SUGCT: variants seen among roughly 807,000 people sequenced by gnomAD.
The protein encoded by SUGCT is succinyl-CoA:glutarate-CoA transferase, also known as succinyl-CoA:glutarate CoA-transferase.
A neutral mutation model predicts 55.0 loss-of-function variants in SUGCT; 41 were observed. The observed-to-expected ratio is 0.74, with a 90% CI of 0.58 to 0.97. SUGCT has a LOEUF of 0.97. Ranked by LOEUF, SUGCT falls within the 50% of genes least tolerant of loss-of-function variation. The probability of loss-of-function intolerance (pLI) is 0.00; values close to 1 mark genes in which losing one functional copy is unlikely to be tolerated. For missense variants in SUGCT, 568 were observed against 547.8 expected (o/e 1.04, Z -0.37); for synonymous variants, 187 against 200.4 (o/e 0.93, Z 0.56).
At chr7:40,734,415 C>G (rs535440476) in intron 12 of SUGCT, among the ~76,000 whole-genome samples, 1 of 152,306 alleles carries the variant, frequency 6.6e-6, no homozygotes, top group African/African-American at 2.4e-5. Context: ...CATTATTACT[C>G]AAGTCATTTT....
intron 12 of SUGCT, among the ~76,000 whole-genome samples, chr7:40,630,387 A>C (rs888337686): frequency 6.6e-6 from 1 of 152,224 alleles, no homozygotes; most frequent in Admixed American, 6.5e-5. Flanking sequence ...AATACCTGCT[A>C]TCTGCTCACA....
At chr7:40,783,394 T>G (rs1482071327) in intron 13 of SUGCT, 1 of 152,222 alleles carries the variant, frequency 6.6e-6, no homozygotes, top group African/African-American at 2.4e-5. Context: ...TGCCTATGTG[T>G]GTAGCATTCT....
intron 13 of SUGCT, among the ~76,000 whole-genome samples, chr7:40,765,822 AG>A (rs1788756901): frequency 6.6e-6 from 1 of 152,206 alleles, no homozygotes; most frequent in Non-Finnish European, 1.5e-5. Context: ...CCAGTCAACC[AG>A]GGCGCCTTCT....
intron 7 of SUGCT, among the ~76,000 whole-genome samples, chr7:40,249,319 A>ATCTATATATCTATATATATC: frequency 2.5e-5 from 1 of 39,762 alleles, no homozygotes; most frequent in Non-Finnish European, 6.4e-5. Context: ...AAAGCTATAT[A>ATCTATATATCTATATATATC]TATATATATA....
intron 12 of SUGCT, among the ~76,000 whole-genome samples, chr7:40,531,119 G>A (rs1794058554): frequency 6.6e-6 from 1 of 152,194 alleles, no homozygotes; most frequent in African/African-American, 2.4e-5. Context: ...CGGAAGCCAA[G>A]GGGATGAATG....
intron 9 of SUGCT, among the ~76,000 whole-genome samples, chr7:40,324,644 T>C (rs1410984399): frequency 6.6e-6 from 1 of 152,188 alleles, no homozygotes; most frequent in Admixed American, 6.5e-5. Flanking sequence ...TTTCTATATG[T>C]GCTACTATAC....
chr7:40,282,675 G>T (rs1562643596), intron 8 of SUGCT, among the ~76,000 whole-genome samples: 1 of 151,780 alleles, frequency 6.6e-6, no homozygotes, highest in Non-Finnish European at 1.5e-5. Context: ...TTTGGGACCA[G>T]CATGGCCACT....
chr7:40,154,933 T>C (rs1321712198), intron 1 of SUGCT, among the ~76,000 whole-genome samples: 2 of 152,216 alleles, frequency 1.3e-5, no homozygotes, highest in Non-Finnish European at 2.9e-5. Context: ...AATAGAGGAC[T>C]AGGATTTATC....
intron 9 of SUGCT, among the ~76,000 whole-genome samples, chr7:40,447,337 GAGAAGAAAA>G (rs1387939601): frequency 6.6e-6 from 1 of 152,148 alleles, no homozygotes; most frequent in African/African-American, 2.4e-5. Flanking sequence ...GAAGGCTCAG[GAGAAGAAAA>G]TCCTGCAGAA....
chr7:40,274,035 G>A (rs1792289026), intron 7 of SUGCT, among the ~76,000 whole-genome samples: 2 of 145,882 alleles, frequency 1.4e-5, no homozygotes, highest in African/African-American at 5.1e-5. Context: ...CCAGCTATTG[G>A]TGTGCTTACA....
At chr7:40,984,251 T>C in the SUGCT span, among the ~76,000 whole-genome samples, 221 of 152,352 alleles carry the variant, frequency 1.5e-3, no homozygotes, top group African/African-American at 5.0e-3. Flanking sequence ...ACATTCCCTG[T>C]ATTTCCACTG....
intron 1 of SUGCT, among the ~76,000 whole-genome samples, chr7:40,142,249 C>T (rs1050932837): frequency 2.7e-4 from 41 of 152,080 alleles, no homozygotes; most frequent in African/African-American, 7.5e-4. Flanking sequence ...AAAAAGGTTG[C>T]TTTACCAGGA....
chr7:40,387,393 T>C (rs981949500), intron 9 of SUGCT, among the ~76,000 whole-genome samples: 1 of 152,122 alleles, frequency 6.6e-6, no homozygotes, highest in Non-Finnish European at 1.5e-5. Context: ...AGGAAATCTA[T>C]GGACAGGGTT....
At chr7:40,537,803 A>C (rs1193055968) in intron 12 of SUGCT, among the ~76,000 whole-genome samples, 1 of 152,220 alleles carries the variant, frequency 6.6e-6, no homozygotes, top group Non-Finnish European at 1.5e-5. Flanking sequence ...TTTTTTTAAG[A>C]AGTCCAAACA....
intron 8 of SUGCT, among the ~76,000 whole-genome samples, chr7:40,309,860 AAAG>A (rs1207073237): frequency 6.7e-6 from 1 of 148,500 alleles, no homozygotes; most frequent in Non-Finnish European, 1.5e-5. Context: ...CAACAACAAA[AAAG>A]TGGTATTGAA....
chr7:40,195,017 T>G lies in SUGCT; in HGVS notation c.441T>G (p.Asp147Glu). 1 of 1,613,876 alleles carries G rather than the reference T, an allele frequency of 6.2e-7. No homozygotes were observed. The highest frequency in any genetic ancestry group is 8.5e-7 in the Non-Finnish European group (1 of 1,179,830). The change falls in exon 6 of 14, where the codon GAT becomes GAG. Residue 147 changes from aspartate to glutamate, a missense_variant. Transcript: ENST00000335693. Reference sequence around the variant, plus strand: ...CTGCAATGGGCCTGGGATATGAAGATATAGACGAGATTGCTCCTCACATCA... The same window carrying G: ...CTGCAATGGGCCTGGGATATGAAGAGATAGACGAGATTGCTCCTCACATCA... ...KLSAMGLGYE[D>E]IDEIAPHIIY...
At chr7:40,847,415 T>C (rs1490960222) in intron 13 of SUGCT, among the ~76,000 whole-genome samples, 288 of 136,068 alleles carry the variant, frequency 2.1e-3, no homozygotes, top group Non-Finnish European at 3.8e-3. Context: ...TTCTTTCTTT[T>C]TTTTTTTTTT....
At chr7:40,683,677 T>A (rs886523180) in intron 12 of SUGCT, among the ~76,000 whole-genome samples, 3 of 152,188 alleles carry the variant, frequency 2.0e-5, no homozygotes, top group African/African-American at 7.2e-5. Flanking sequence ...GATGAGACAA[T>A]CTCTGCAGTG....
At chr7:40,339,778 A>G (rs1796945016) in intron 9 of SUGCT, among the ~76,000 whole-genome samples, 1 of 152,178 alleles carries the variant, frequency 6.6e-6, no homozygotes, top group South Asian at 2.1e-4. Flanking sequence ...AACAAGTCCC[A>G]GTGAGATGAA....
Sources: gnomAD v4.1 joint callset for allele counts (sites outside exome capture counted in the v4.1 genomes callset) on GRCh38, gnomAD v4.1.1 for gene constraint, MANE v1.5 for transcripts, NCBI Gene and HGNC (gene_info 2026-07-23, HGNC 2026-07-21) for gene names.